The following PIEZO2 variants were observed in gnomAD, a reference collection of about 807,000 sequenced individuals.
The protein encoded by PIEZO2 is piezo-type mechanosensitive ion channel component 2.
Under a neutral mutation model 337.3 loss-of-function variants are expected in PIEZO2, and 172 were observed. The ratio of observed to expected loss-of-function variants is 0.51; its 90% confidence interval spans 0.45 to 0.58. The LOEUF (loss-of-function observed/expected upper bound fraction) is 0.58. PIEZO2 is among the 20% of genes least tolerant of loss of function. The probability of loss-of-function intolerance (pLI) is 0.00; values close to 1 mark genes in which losing one functional copy is unlikely to be tolerated. For synonymous variants in PIEZO2, 1,251 were observed against 1,228.5 expected, an observed-to-expected ratio of 1.02 and a Z score of -0.38; for missense variants, 3,028 against 3,391.3, an observed-to-expected ratio of 0.89 and a Z score of 2.66.
At chr18:11,059,901 G>A (rs998887143) in intron 2 of PIEZO2, among the ~76,000 whole-genome samples, 10 of 152,186 alleles carry the variant, frequency 6.6e-5, no homozygotes, top group African/African-American at 2.4e-4. Flanking sequence ...TCTGCACCAA[G>A]TGGACCTCAT....
At position 11,099,338 on chromosome 18, in the gene PIEZO2, T is replaced by G. The variant is rs937988755; in HGVS notation, c.65-33116A>C. On this transcript the variant is annotated intron_variant, in intron 1 of 55. Coordinates refer to ENST00000674853, the MANE Select transcript of PIEZO2 (RefSeq NM_001378183.1). The surrounding 1 kb of genome is among the most constrained non-coding windows in gnomAD (Gnocchi z 5.4). ...GTCTCCAAAAAACAAACTTTGAAAATTATATATCCCACATAGAAGTTCCTT... is the reference window on the plus strand; with the variant it reads ...GTCTCCAAAAAACAAACTTTGAAAAGTATATATCCCACATAGAAGTTCCTT... 6.6e-6 allele frequency among the ~76,000 whole-genome samples: 1 copy of G among 152,150 alleles called. No individual in the cohort carries two copies.
At position 11,096,167 on chromosome 18, in the gene PIEZO2, G is replaced by A. The variant is rs547416901; in HGVS notation, c.65-29945C>T. On this transcript the variant is annotated intron_variant, in intron 1 of 55. Coordinates refer to ENST00000674853, the MANE Select transcript of PIEZO2 (RefSeq NM_001378183.1). This position sits in a 1 kb window ranked among gnomAD's most constrained non-coding sequence, Gnocchi z 4.6. ...TGTTGCCCAAGGTGGCTGAGACACCGCCAGCCTGGCTGTGGGGTGTGGCCA... is the reference window on the plus strand; with the variant it reads ...TGTTGCCCAAGGTGGCTGAGACACCACCAGCCTGGCTGTGGGGTGTGGCCA... 2.6e-5 allele frequency among the ~76,000 whole-genome samples: 4 copies of A among 152,192 alleles called. No individual in the cohort carries two copies. The highest frequency in any genetic ancestry group is 1.9e-4 in the East Asian group (1 of 5,196).
chr18:10,698,957 C>T lies in PIEZO2; in HGVS notation c.6662G>A (p.Arg2221Lys). 2 of 1,536,696 alleles carry T rather than the reference C, an allele frequency of 1.3e-6. No homozygotes were observed. Among genetic ancestry groups the T allele is most frequent in the African/African-American group, 1.4e-5 (1 of 73,180 alleles). The change falls in exon 44 of 56, where the codon AGA becomes AAA. Residue 2221 changes from arginine (R) to lysine (K), a missense_variant. Coordinates refer to ENST00000674853, the MANE Select transcript of PIEZO2 (RefSeq NM_001378183.1). ...RSGSSSEPSQ[R>K]SSFSSNRSQR... ...GGATCTGTTTGAAGAAAAGCTGGAT[C>T]TCTGGGATGGCTCGGAGCTGCTGCC...
chr18:10,851,639 T>C (rs948618847), intron 7 of PIEZO2, among the ~76,000 whole-genome samples: 4 of 152,178 alleles, frequency 2.6e-5, no homozygotes, highest in African/African-American at 7.2e-5. Flanking sequence ...TATGAGCTAA[T>C]AATGATTTTT....
At chr18:10,717,555 G>C (rs1267554779) in intron 37 of PIEZO2, among the ~76,000 whole-genome samples, 3 of 142,626 alleles carry the variant, frequency 2.1e-5, no homozygotes, top group Non-Finnish European at 4.4e-5. Flanking sequence ...GAGGGCTAGA[G>C]AGCATCGAGT....
chr18:11,108,355 C>T (rs2039630629), intron 1 of PIEZO2, among the ~76,000 whole-genome samples: 1 of 152,134 alleles, frequency 6.6e-6, no homozygotes, highest in Non-Finnish European at 1.5e-5. Context: ...GTGGCTTACA[C>T]CTGTAATCCC....
rs2144665051 is a variant in PIEZO2 at position 10,850,559 on chromosome 18, G to A, written c.917+4794C>T. Reference sequence around the variant, plus strand: ...CAGCCTTATTCATGAGAACAAAAATGAGAAATCATCTACGTGGTTAAAACT... The same window carrying A: ...CAGCCTTATTCATGAGAACAAAAATAAGAAATCATCTACGTGGTTAAAACT... On this transcript the variant is annotated intron_variant, in intron 7 of 55. Coordinates refer to ENST00000674853, the MANE Select transcript of PIEZO2 (RefSeq NM_001378183.1). The surrounding 1 kb of genome is among the most constrained non-coding windows in gnomAD (Gnocchi z 4.5). Among the ~76,000 whole-genome samples the A allele has an allele frequency of 6.6e-6, 1 of 152,330 alleles. No individual in the cohort carries two copies. The highest frequency in any genetic ancestry group is 2.4e-5 in the African/African-American group (1 of 41,570).
intron 3 of PIEZO2, among the ~76,000 whole-genome samples, chr18:10,975,579 G>GA (rs2034411830): frequency 1.3e-5 from 2 of 152,066 alleles, no homozygotes; most frequent in South Asian, 2.1e-4. Flanking sequence ...AGGGTGGTTT[G>GA]AAAAAATCTT....
chr18:11,068,786 TC>T (rs2038241199), intron 1 of PIEZO2, among the ~76,000 whole-genome samples: 1 of 151,704 alleles, frequency 6.6e-6, no homozygotes, highest in East Asian at 1.9e-4. Flanking sequence ...AACCTCAGAC[TC>T]AGAAGAAGAC....
intron 7 of PIEZO2, among the ~76,000 whole-genome samples, chr18:10,848,517 T>C (rs988759843): frequency 1.4e-4 from 22 of 152,192 alleles, no homozygotes; most frequent in African/African-American, 5.1e-4. Context: ...GACAAATCAT[T>C]GTACATTTAT....
At chr18:10,995,863 A>C (rs925012564) in intron 2 of PIEZO2, among the ~76,000 whole-genome samples, 1 of 152,204 alleles carries the variant, frequency 6.6e-6, no homozygotes, top group Non-Finnish European at 1.5e-5. Flanking sequence ...GCCTCAGGGC[A>C]TACTGCTCAC....
Position 10,886,341 on chromosome 18 carries a change from T to TAC in PIEZO2, c.330-14927_330-14926insGT, listed in dbSNP as rs1430640136. On this transcript the variant is annotated intron_variant, in intron 4 of 55. Transcript: ENST00000674853. ...ATACATACATATATATATATATATA[T>TAC]ATACACACACACACACACACATATA... Among the ~76,000 whole-genome samples the TAC allele has an allele frequency of 8.0e-3, 101 of 12,662 alleles. 16 individuals carry two copies. The highest frequency in any genetic ancestry group is 0.01 in the Non-Finnish European group (87 of 8,452). The allele number at this position is 12,662 out of a possible 152,430, so 8.3% of individuals were successfully genotyped here. A position where few individuals can be genotyped will look rare whatever the true frequency, so the allele number is the denominator to read the frequency against.
intron 2 of PIEZO2, among the ~76,000 whole-genome samples, chr18:11,065,323 A>G (rs1025720072): frequency 6.6e-6 from 1 of 152,254 alleles, no homozygotes; most frequent in Non-Finnish European, 1.5e-5. Flanking sequence ...TCATGTAAAC[A>G]TACGGCCATT....
intron 47 of PIEZO2, among the ~76,000 whole-genome samples, chr18:10,694,735 T>C (rs2035007582): frequency 6.6e-6 from 1 of 152,194 alleles, no homozygotes; most frequent in African/African-American, 2.4e-5. Flanking sequence ...CTCTGGAGGC[T>C]GAGGCGGGAG....
chr18:11,134,954 T>C (rs1245296277), intron 1 of PIEZO2, among the ~76,000 whole-genome samples: 1 of 151,624 alleles, frequency 6.6e-6, no homozygotes, highest in Non-Finnish European at 1.5e-5. Flanking sequence ...ACACCATGGA[T>C]AAGCTCTGAA....
rs1361717107 is a variant in PIEZO2, at chr18:11,110,145, G to A, written c.64+38380C>T. Among the ~76,000 whole-genome samples the A allele has an allele frequency of 1.3e-5, 2 of 152,038 alleles. No homozygotes were observed. The highest frequency in any genetic ancestry group is 3.9e-4 in the East Asian group (2 of 5,186). On this transcript the variant is annotated intron_variant, in intron 1 of 55. Transcript: ENST00000674853. The surrounding 1 kb of genome is among the most constrained non-coding windows in gnomAD (Gnocchi z 4.2). Reference sequence around the variant, plus strand: ...TTTCTTTTTAAAATTCTTATTTAAAGACAGCATCTTACTCTATCACCCAGG... The same window carrying A: ...TTTCTTTTTAAAATTCTTATTTAAAAACAGCATCTTACTCTATCACCCAGG...
intron 2 of PIEZO2, among the ~76,000 whole-genome samples, chr18:11,036,306 C>T (rs1019580221): frequency 3.3e-5 from 5 of 152,122 alleles, no homozygotes; most frequent in African/African-American, 7.2e-5. Flanking sequence ...CAAGCCATAA[C>T]GTTAAGAATT....
chr18:10,680,138 C>T, intron 52 of PIEZO2, 61 bp downstream of exon 52: 1 of 1,426,774 alleles, frequency 7.0e-7, no homozygotes, highest in South Asian at 1.3e-5. Context: ...ACCCTCCCTC[C>T]CCCAACTCCA....
chr18:10,862,574 A>G lies in PIEZO2; in HGVS notation c.493-5363T>C, dbSNP rs538756461. 6.0e-4 allele frequency among the ~76,000 whole-genome samples: 91 copies of G among 152,340 alleles called. No homozygotes were observed. The highest frequency in any genetic ancestry group is 2.0e-3 in the African/African-American group (84 of 41,576). On this transcript the variant is annotated intron_variant, in intron 5 of 55. Coordinates refer to ENST00000674853, the MANE Select transcript of PIEZO2 (RefSeq NM_001378183.1). This position sits in a 1 kb window ranked among gnomAD's most constrained non-coding sequence, Gnocchi z 4.4. ...GACACAATAAATCACTTTTGGTAGGACACAAACATCCATGTTTCATTACTC... is the reference window on the plus strand; with the variant it reads ...GACACAATAAATCACTTTTGGTAGGGCACAAACATCCATGTTTCATTACTC...
Sources: gnomAD v4.1 joint callset for allele counts (sites outside exome capture counted in the v4.1 genomes callset) on GRCh38, gnomAD v4.1.1 for gene constraint, Gnocchi (gnomAD v3.1) non-coding constraint, MANE v1.5 for transcripts, NCBI Gene and HGNC (gene_info 2026-07-23, HGNC 2026-07-21) for gene names.